CYYR1: variants seen among roughly 807,000 people sequenced by gnomAD.
CYYR1 encodes the protein cysteine and tyrosine-rich protein 1.
In CYYR1, 14 loss-of-function variants were observed where a neutral mutation model predicts 15.2. The observed-to-expected ratio is 0.92, with a 90% CI of 0.61 to 1.44. The LOEUF is 1.44. Ranked by LOEUF, CYYR1 falls within the 40% of genes most tolerant of loss-of-function variation. The pLI is 0.00. For synonymous variants in CYYR1, 80 were observed against 77.4 expected (o/e 1.03, Z -0.18); for missense variants, 228 against 209.5 (o/e 1.09, Z -0.54).
At chr21:26,477,525 G>A (rs771445314) in intron 3 of CYYR1, 3 of 225,224 alleles carry the variant, frequency 1.3e-5, no homozygotes, top group Admixed American at 6.5e-5. Context: ...TATTTCCGTC[G>A]GCTAATTGAA....
intron 2 of CYYR1, among the ~76,000 whole-genome samples, chr21:26,529,631 T>C (rs2123597660): frequency 6.6e-6 from 1 of 152,352 alleles, no homozygotes; most frequent in East Asian, 1.9e-4. Context: ...GCATAGTGCA[T>C]ATAAATGCAG....
At chr21:26,540,561 G>T (rs964956877) in intron 2 of CYYR1, among the ~76,000 whole-genome samples, 2 of 151,986 alleles carry the variant, frequency 1.3e-5, no homozygotes, top group African/African-American at 2.4e-5. Flanking sequence ...CACTATGCAC[G>T]CATGGGGCAT....
intron 2 of CYYR1, among the ~76,000 whole-genome samples, chr21:26,509,334 G>A (rs1054966107): frequency 2.0e-5 from 3 of 152,158 alleles, no homozygotes; most frequent in Non-Finnish European, 2.9e-5. Flanking sequence ...TACATTTTAC[G>A]TGAGTTCTTT....
At chr21:26,480,576 T>TTTA in intron 2 of CYYR1, 147 bp from the exon 3 acceptor site, 1 of 803,018 alleles carries the variant, frequency 1.2e-6, no homozygotes, top group Non-Finnish European at 1.8e-6. Flanking sequence ...TTTTTTTTTT[T>TTTA]AAAACCCATA....
intron 2 of CYYR1, among the ~76,000 whole-genome samples, chr21:26,533,927 A>G (rs1045524935): frequency 1.3e-5 from 2 of 152,188 alleles, no homozygotes; most frequent in Non-Finnish European, 2.9e-5. Context: ...TTGAGGACAC[A>G]GGTGTACCTA....
intron 1 of CYYR1, among the ~76,000 whole-genome samples, chr21:26,569,725 C>T (rs1050057081): frequency 6.6e-6 from 1 of 152,182 alleles, no homozygotes; most frequent in Non-Finnish European, 1.5e-5. Flanking sequence ...TGAACCATGT[C>T]CAGGACAGTG....
At chr21:26,492,868 G>C (rs1057512210) in intron 2 of CYYR1, among the ~76,000 whole-genome samples, 2 of 152,138 alleles carry the variant, frequency 1.3e-5, no homozygotes, top group African/African-American at 4.8e-5. Flanking sequence ...CGCAAATGGG[G>C]AAGTGCAAAC....
At chr21:26,531,169 A>G (rs2065925506) in intron 2 of CYYR1, among the ~76,000 whole-genome samples, 1 of 152,156 alleles carries the variant, frequency 6.6e-6, no homozygotes, top group African/African-American at 2.4e-5. Context: ...AAAGACATGG[A>G]TCACCAGGGA....
At chr21:26,534,776 G>T (rs1259648604) in intron 2 of CYYR1, among the ~76,000 whole-genome samples, 1 of 151,894 alleles carries the variant, frequency 6.6e-6, no homozygotes, top group Non-Finnish European at 1.5e-5. Context: ...CCTTAATCCT[G>T]CCTGCACTGT....
At chr21:26,512,109 G>C (rs1478875725) in intron 2 of CYYR1, among the ~76,000 whole-genome samples, 1 of 151,948 alleles carries the variant, frequency 6.6e-6, no homozygotes, top group Non-Finnish European at 1.5e-5. Context: ...ACTGCATCAT[G>C]CTGGTCTTTA....
At chr21:26,564,009 T>C (rs1401067286) in intron 2 of CYYR1, among the ~76,000 whole-genome samples, 2 of 152,232 alleles carry the variant, frequency 1.3e-5, no homozygotes, top group Non-Finnish European at 2.9e-5. Context: ...TTTACCTTTC[T>C]GTTACAACAG....
intron 2 of CYYR1, among the ~76,000 whole-genome samples, chr21:26,512,302 G>A (rs934930140): frequency 1.3e-5 from 2 of 152,010 alleles, no homozygotes; most frequent in Non-Finnish European, 2.9e-5. Context: ...GGGTCCAAGC[G>A]ATTCTCCTGC....
chr21:26,538,332 GT>G (rs1453419671), intron 2 of CYYR1, among the ~76,000 whole-genome samples: 2 of 152,118 alleles, frequency 1.3e-5, no homozygotes, highest in African/African-American at 4.8e-5. Context: ...AAGGAAAAGG[GT>G]AATGGGCCCT....
chr21:26,562,952 T>A (rs1192666265), intron 2 of CYYR1, among the ~76,000 whole-genome samples: 2 of 152,178 alleles, frequency 1.3e-5, no homozygotes, highest in African/African-American at 2.4e-5. Context: ...GAGTCCATCA[T>A]TTTTTCATCT....
intron 2 of CYYR1, chr21:26,506,833 C>T (rs534612019): frequency 1.3e-5 from 2 of 152,236 alleles, no homozygotes; most frequent in African/African-American, 4.8e-5. Context: ...GGTCACTTGA[C>T]CACTGGTAAC....
chr21:26,501,688 T>C (rs1371373133), intron 2 of CYYR1, among the ~76,000 whole-genome samples: 2 of 152,188 alleles, frequency 1.3e-5, no homozygotes, highest in African/African-American at 4.8e-5. Context: ...ACAGTGGAGA[T>C]AATGGGTCCC....
At chr21:26,560,399 G>T (rs981967012) in intron 2 of CYYR1, among the ~76,000 whole-genome samples, 1 of 151,972 alleles carries the variant, frequency 6.6e-6, no homozygotes, top group Non-Finnish European at 1.5e-5. Flanking sequence ...TTCCTTTCCA[G>T]TCTTTATTAC....
chr21:26,543,622 A>G lies in CYYR1; in HGVS notation c.176+22644T>C, dbSNP rs570792275. On this transcript the variant is annotated intron_variant, in intron 2 of 3. Coordinates refer to ENST00000652641, the MANE Select transcript of CYYR1 (RefSeq NM_001320768.2). ...GCTGAAGTTAGTTAAATGGTCACAT[A>G]TAGCTGGGCGTGGTGGCTCACGCCT... 3.3e-5 allele frequency among the ~76,000 whole-genome samples: 5 copies of G among 152,282 alleles called. No individual in the cohort carries two copies. The East Asian group carries it at 9.7e-4, about 30-fold the overall frequency.
At chr21:26,531,602 G>C (rs1171585784) in intron 2 of CYYR1, among the ~76,000 whole-genome samples, 4 of 152,018 alleles carry the variant, frequency 2.6e-5, no homozygotes, top group African/African-American at 9.7e-5. Flanking sequence ...ACTATGACTG[G>C]AAGTTTCCTG....
Sources: gnomAD v4.1 joint callset for allele counts (sites outside exome capture counted in the v4.1 genomes callset) on GRCh38, gnomAD v4.1.1 for gene constraint, MANE v1.5 for transcripts, NCBI Gene and HGNC (gene_info 2026-07-23, HGNC 2026-07-21) for gene names.